TMEM232: variants seen among roughly 807,000 people sequenced by gnomAD.
TMEM232 encodes transmembrane protein 232.
In TMEM232, 80 loss-of-function variants were observed where a neutral mutation model predicts 78.8. The ratio of observed to expected loss-of-function variants is 1.01; its 90% CI spans 0.85 to 1.22. TMEM232 has a LOEUF of 1.22. Ranked by LOEUF, TMEM232 falls within the 50% of genes most tolerant of loss-of-function variation. The probability of loss-of-function intolerance (pLI) is 0.00; values close to 1 mark genes in which losing one functional copy is unlikely to be tolerated. For synonymous variants in TMEM232, 297 were observed against 254.3 expected, an observed-to-expected ratio of 1.17 and a Z score of -1.60; for missense variants, 881 against 742.2, an observed-to-expected ratio of 1.19 and a Z score of -2.17.
At chr5:110,453,282 C>T (rs1760519413) in intron 12 of TMEM232, among the ~76,000 whole-genome samples, 1 of 152,054 alleles carries the variant, frequency 6.6e-6, no homozygotes, top group South Asian at 2.1e-4. Context: ...TAAATTTCTA[C>T]CGCATACTTT....
intron 8 of TMEM232, chr5:110,610,744 A>G: frequency 3.5e-6 from 1 of 289,640 alleles, no homozygotes; most frequent in African/African-American, 2.2e-5. Context: ...GTGTTAGGAA[A>G]CAACATAGCA....
intron 1 of TMEM232, among the ~76,000 whole-genome samples, chr5:110,705,647 C>T (rs1044670253): frequency 1.5e-5 from 2 of 136,796 alleles, no homozygotes; most frequent in African/African-American, 5.3e-5. Flanking sequence ...AATATAGACC[C>T]TCTTTTTTCT....
chr5:110,554,515 A>G (rs561437896), intron 11 of TMEM232, among the ~76,000 whole-genome samples: 1 of 151,788 alleles, frequency 6.6e-6, no homozygotes, highest in African/African-American at 2.4e-5. Flanking sequence ...TAATACAAAA[A>G]CCTACTTGAT....
In TMEM232 at chr5:110,440,359, T is replaced by C. The variant is rs566892067; in HGVS notation, c.1704-15443A>G. 2.6e-5 allele frequency among the ~76,000 whole-genome samples: 4 copies of C among 152,312 alleles called. 1 individual carries two copies. In the South Asian group the frequency reaches 6.2e-4, roughly 24 times the overall value. On this transcript the variant is annotated intron_variant, in intron 12 of 13. Transcript: ENST00000455884. Reference sequence around the variant, plus strand: ...CACCTCTGTTCTCTGTTAGGATCACTGCTTTCTGTACGCCACTATGTTCTT... The same window carrying C: ...CACCTCTGTTCTCTGTTAGGATCACCGCTTTCTGTACGCCACTATGTTCTT...
chr5:110,522,197 G>A (rs1561618300), intron 12 of TMEM232, among the ~76,000 whole-genome samples: 1 of 151,970 alleles, frequency 6.6e-6, no homozygotes, highest in Admixed American at 6.6e-5. Flanking sequence ...AAATGTAACT[G>A]TTTTCCTAAT....
intron 1 of TMEM232, among the ~76,000 whole-genome samples, chr5:110,670,739 T>C (rs1171510146): frequency 6.6e-6 from 1 of 152,132 alleles, no homozygotes; most frequent in East Asian, 1.9e-4. Flanking sequence ...TTCAGGCATT[T>C]ATTTTTCTTT....
intron 2 of TMEM232, among the ~76,000 whole-genome samples, chr5:110,651,446 A>AAAAGGG (rs201330337): frequency 6.6e-6 from 1 of 150,604 alleles, no homozygotes; most frequent in Non-Finnish European, 1.5e-5. Context: ...GAAGGGGAGG[A>AAAAGGG]AAAGGGAAAG....
At chr5:110,574,191 A>G (rs1047251082) in intron 10 of TMEM232, among the ~76,000 whole-genome samples, 3 of 152,100 alleles carry the variant, frequency 2.0e-5, no homozygotes, top group African/African-American at 4.8e-5. Context: ...AGACTTGTTC[A>G]TCCTATATGT....
At chr5:110,601,382 T>C (rs1360051598) in intron 10 of TMEM232, among the ~76,000 whole-genome samples, 1 of 152,188 alleles carries the variant, frequency 6.6e-6, no homozygotes, top group Non-Finnish European at 1.5e-5. Context: ...GCAGATGACA[T>C]GATTGCATAT....
rs374386212 is a variant in TMEM232 at position 110,567,976 on chromosome 5, T to C, written c.1455+471A>G. On this transcript the variant is annotated intron_variant, in intron 11 of 13. Coordinates refer to ENST00000455884, the MANE Select transcript of TMEM232 (RefSeq NM_001039763.4). ...CTATGAGGTAGTGAAAGTGCCCCTA[T>C]GCAGCTCCTTCACAGCTCATCCTAA... is the stretch of plus-strand genomic sequence containing the variant. 4.6e-5 allele frequency among the ~76,000 whole-genome samples: 7 copies of C among 152,112 alleles called. No individual in the cohort carries two copies. The East Asian group carries it at 7.8e-4, about 17-fold the overall frequency.
chr5:110,655,498 C>A (rs1426327805), intron 2 of TMEM232, among the ~76,000 whole-genome samples: 1 of 139,494 alleles, frequency 7.2e-6, no homozygotes, highest in Non-Finnish European at 1.6e-5. Flanking sequence ...GTCAGTGTGG[C>A]GATTCCTCAG....
intron 12 of TMEM232, among the ~76,000 whole-genome samples, chr5:110,427,850 T>C (rs1009340205): frequency 6.6e-6 from 1 of 151,984 alleles, no homozygotes; most frequent in East Asian, 1.9e-4. Flanking sequence ...TTTTTTGTTT[T>C]TTATTTTTTT....
chr5:110,591,947 G>A (rs1395546762), intron 10 of TMEM232, among the ~76,000 whole-genome samples: 2 of 151,992 alleles, frequency 1.3e-5, no homozygotes, highest in East Asian at 3.9e-4. Context: ...ACTACCTTTG[G>A]AACCCTCCAT....
In TMEM232 at chr5:110,638,122, T is replaced by A. The variant is rs1469893378; in HGVS notation, c.501+76A>T. On this transcript the variant is annotated intron_variant, in intron 5 of 13. Transcript: ENST00000455884. ...AATAAAACTAAATGTTCTGTTTTGA[T>A]CCTAAAACAGATGTCATGTTGTTAC... 5 of 1,148,378 alleles carry A rather than the reference T, an allele frequency of 4.4e-6. 1 individual carries two copies. The South Asian group carries it at 7.3e-5, about 17-fold the overall frequency. 71.1% of individuals were successfully genotyped at this position (1,148,378 alleles called of 1,614,324 possible).
At chr5:110,557,366 T>C (rs1183404040) in intron 11 of TMEM232, among the ~76,000 whole-genome samples, 1 of 152,214 alleles carries the variant, frequency 6.6e-6, no homozygotes, top group Non-Finnish European at 1.5e-5. Context: ...CTGAATTCTA[T>C]CTTTGACATT....
At chr5:110,721,784 G>A (rs1018882220) in intron 1 of TMEM232, among the ~76,000 whole-genome samples, 4 of 149,118 alleles carry the variant, frequency 2.7e-5, no homozygotes, top group Non-Finnish European at 4.5e-5. Context: ...TTAGACATCC[G>A]AATAAGAAAG....
At chr5:110,428,699 T>C (rs756988835) in intron 12 of TMEM232, among the ~76,000 whole-genome samples, 1 of 151,498 alleles carries the variant, frequency 6.6e-6, no homozygotes, top group African/African-American at 2.4e-5. Flanking sequence ...TCCACTGCAA[T>C]AGTCTTGAAT....
rs111358207 is a variant in TMEM232, at chr5:110,487,661, C to T, written c.1703+40927G>A. On this transcript the variant is annotated intron_variant, in intron 12 of 13. Coordinates refer to ENST00000455884, the MANE Select transcript of TMEM232 (RefSeq NM_001039763.4). ...CCCTGCATCCCTGGTATAAAACCCA[C>T]TTGATGATGGTGGATTATCTTTTTG... is the stretch of plus-strand genomic sequence containing the variant. 3.6e-3 allele frequency among the ~76,000 whole-genome samples: 549 copies of T among 152,176 alleles called. 3 individuals are homozygous for T. The highest frequency in any genetic ancestry group is 0.012 in the African/African-American group (513 of 41,508).
At chr5:110,492,312 A>G (rs1028736227) in intron 12 of TMEM232, among the ~76,000 whole-genome samples, 1 of 151,982 alleles carries the variant, frequency 6.6e-6, no homozygotes, top group Non-Finnish European at 1.5e-5. Flanking sequence ...TGCAAAATGT[A>G]ACAAAACATA....
Sources: allele counts gnomAD v4.1 joint callset (sites outside exome capture counted in the v4.1 genomes callset), GRCh38; gene constraint gnomAD v4.1.1; transcripts MANE v1.5; gene names NCBI Gene and HGNC (gene_info 2026-07-23, HGNC 2026-07-21).